Variants in LRRC37A2 observed in about 807,000 individuals in gnomAD.
LRRC37A2 encodes the protein leucine rich repeat containing 37 member A2, also known as leucine-rich repeat-containing protein 37A2.
A neutral mutation model predicts 68.8 loss-of-function variants in LRRC37A2; 9 were observed. The observed-to-expected ratio is 0.13, with a 90% confidence interval of 0.08 to 0.23. LRRC37A2 has a LOEUF of 0.23. Ranked by LOEUF, LRRC37A2 falls within the 10% of genes least tolerant of loss-of-function variation. The pLI is 1.00. For missense variants in LRRC37A2, 168 were observed against 950.4 expected, an observed-to-expected ratio of 0.18 and a Z score of 10.82; for synonymous variants, 63 against 367.6, an observed-to-expected ratio of 0.17 and a Z score of 9.48.
At chr17:46,943,644 G>A in the LRRC37A2 span, among the ~76,000 whole-genome samples, 1 of 152,094 alleles carries the variant, frequency 6.6e-6, no homozygotes, top group Non-Finnish European at 1.5e-5. Flanking sequence ...GTAAGCGGCT[G>A]CAGGAGAGCA....
the LRRC37A2 span, among the ~76,000 whole-genome samples, chr17:46,450,538 GTTC>G: frequency 2.6e-5 from 1 of 37,800 alleles, no homozygotes; most frequent in African/African-American, 1.4e-4. Context: ...GAGATGACTA[GTTC>G]TTCTTCTCTA....
chr17:46,938,875 T>C, the LRRC37A2 span: 1 of 1,569,606 alleles, frequency 6.4e-7, no homozygotes. Context: ...GTCTGAACTG[T>C]GAAGACACTT....
the LRRC37A2 span, chr17:46,704,845 T>C: frequency 6.3e-7 from 1 of 1,599,216 alleles, no homozygotes; most frequent in Non-Finnish European, 8.5e-7. Context: ...TGGAGAATGA[T>C]ATCAAACCAG....
At chr17:46,872,882 A>T in the LRRC37A2 span, 1 of 1,329,340 alleles carries the variant, frequency 7.5e-7, no homozygotes, top group Non-Finnish European at 1.0e-6. Flanking sequence ...TGCCCAGGCC[A>T]CACTGCCCTT....
chr17:46,896,680 A>T, the LRRC37A2 span, among the ~76,000 whole-genome samples: 1 of 151,956 alleles, frequency 6.6e-6, no homozygotes, highest in Non-Finnish European at 1.5e-5. Context: ...GGTCACTCTC[A>T]AGGCAAAGCG....
chr17:46,901,966 C>T, the LRRC37A2 span, among the ~76,000 whole-genome samples: 2 of 152,178 alleles, frequency 1.3e-5, no homozygotes, highest in African/African-American at 4.8e-5. Flanking sequence ...CGCCACTGTG[C>T]CCAGCTAATT....
the LRRC37A2 span, among the ~76,000 whole-genome samples, chr17:46,840,056 CTCTTTCCTT>C: frequency 1.5e-5 from 2 of 135,650 alleles, no homozygotes; most frequent in Non-Finnish European, 3.2e-5. Flanking sequence ...TTCTCTCTCT[CTCTTTCCTT>C]TCTTTCCTTC....
chr17:46,974,244 G>T, the LRRC37A2 span, among the ~76,000 whole-genome samples: 2 of 152,242 alleles, frequency 1.3e-5, no homozygotes, highest in Non-Finnish European at 2.9e-5. Context: ...GCGCTGGCCA[G>T]GGCCAGACGC....
chr17:46,820,167 C>T, the LRRC37A2 span, among the ~76,000 whole-genome samples: 1 of 152,244 alleles, frequency 6.6e-6, no homozygotes, highest in Non-Finnish European at 1.5e-5. Flanking sequence ...CTCCAACCTG[C>T]TGCCCCTTCT....
At chr17:46,737,908 A>T in the LRRC37A2 span, among the ~76,000 whole-genome samples, 16 of 145,872 alleles carry the variant, frequency 1.1e-4, no homozygotes, top group Admixed American at 9.1e-4. Context: ...TAAAATTAGC[A>T]TATTATTATT....
chr17:47,012,619 G>T, the LRRC37A2 span, among the ~76,000 whole-genome samples: 1 of 152,128 alleles, frequency 6.6e-6, no homozygotes, highest in Non-Finnish European at 1.5e-5. Context: ...ATAAGCACAT[G>T]AAAGTAAAAT....
chr17:46,999,736 C>T, the LRRC37A2 span, among the ~76,000 whole-genome samples: 2 of 151,830 alleles, frequency 1.3e-5, no homozygotes, highest in South Asian at 2.1e-4. Context: ...CTATAGCTCA[C>T]GCCTATAATC....
exon 15 of LRRC37A2, chr17:46,555,627 AAAC>A (rs781130172): frequency 1.1e-5 from 7 of 635,950 alleles, no homozygotes; most frequent in Non-Finnish European, 1.6e-5. Flanking sequence ...TACATAGAAT[AAAC>A]AACAACAGTT....
At chr17:46,853,759 G>T in the LRRC37A2 span, among the ~76,000 whole-genome samples, 21 of 152,030 alleles carry the variant, frequency 1.4e-4, no homozygotes, top group African/African-American at 5.1e-4. Context: ...GGGACAAATG[G>T]TACCTATATC....
chr17:46,868,439 CA>C, the LRRC37A2 span, among the ~76,000 whole-genome samples: 3 of 151,596 alleles, frequency 2.0e-5, no homozygotes, highest in South Asian at 2.1e-4. Flanking sequence ...TAAAAATACA[CA>C]AAAAAAATAG....
At chr17:46,804,927 C>A in the LRRC37A2 span, among the ~76,000 whole-genome samples, 2 of 145,382 alleles carry the variant, frequency 1.4e-5, no homozygotes, top group Non-Finnish European at 3.0e-5. Context: ...CCACCCCCCC[C>A]ACCCCCAAGC....
the LRRC37A2 span, among the ~76,000 whole-genome samples, chr17:46,871,473 A>C: frequency 6.6e-6 from 1 of 152,088 alleles, no homozygotes; most frequent in Non-Finnish European, 1.5e-5. Context: ...TTGTTTCCTC[A>C]TCTGGACAAA....
At chr17:46,938,991 C>T in the LRRC37A2 span, 1 of 1,383,914 alleles carries the variant, frequency 7.2e-7, no homozygotes, top group Non-Finnish European at 9.4e-7. Flanking sequence ...GAAAGAAGTC[C>T]CGGGTCTGTC....
chr17:46,982,131 G>A, the LRRC37A2 span, among the ~76,000 whole-genome samples: 5 of 152,180 alleles, frequency 3.3e-5, no homozygotes, highest in African/African-American at 1.2e-4. Flanking sequence ...CAGGGCAAGA[G>A]TCTCCCCTGC....
Sources: allele counts gnomAD v4.1 joint callset (sites outside exome capture counted in the v4.1 genomes callset), GRCh38; gene constraint gnomAD v4.1.1; transcripts MANE v1.5; gene names NCBI Gene and HGNC (gene_info 2026-07-23, HGNC 2026-07-21).